TBCK: variants seen among roughly 807,000 people sequenced by gnomAD.
TBCK encodes TBC1 domain containing kinase, also known as TBC domain-containing protein kinase-like protein.
A neutral mutation model predicts 113.4 loss-of-function variants in TBCK; 99 were observed. The ratio of observed to expected loss-of-function variants is 0.87; its 90% CI spans 0.74 to 1.03. The LOEUF is 1.03. Among genes scored for constraint, TBCK ranks in the 50% least tolerant of loss-of-function variants. TBCK has a pLI of 0.00. For synonymous variants in TBCK, 369 were observed against 370.8 expected (o/e 1.00, Z 0.05); for missense variants, 1,045 against 1,061.3 (o/e 0.98, Z 0.21).
At chr4:106,064,064 G>C (rs1189129073) in intron 25 of TBCK, among the ~76,000 whole-genome samples, 2 of 151,964 alleles carry the variant, frequency 1.3e-5, no homozygotes, top group South Asian at 4.1e-4. Context: ...GCCGGGAGAG[G>C]GGGGAAAAGC....
chr4:106,155,478 A>G (rs775453900), intron 23 of TBCK, among the ~76,000 whole-genome samples: 4 of 152,118 alleles, frequency 2.6e-5, no homozygotes. Context: ...TTCTATCCCT[A>G]TCTGTGTTTC....
intron 23 of TBCK, among the ~76,000 whole-genome samples, chr4:106,155,081 G>T (rs1372699156): frequency 1.3e-5 from 2 of 151,746 alleles, no homozygotes; most frequent in African/African-American, 2.4e-5. Context: ...TGTTTGTCTG[G>T]GAAGTTTTAT....
intron 22 of TBCK, among the ~76,000 whole-genome samples, chr4:106,175,475 T>C (rs773056251): frequency 2.5e-4 from 38 of 151,890 alleles, no homozygotes; most frequent in Non-Finnish European, 4.9e-4. Context: ...TTTCTCCTTC[T>C]GGGAACATTG....
Position 106,248,237 on chromosome 4 carries a change from A to G in TBCK, c.782+8T>C. 3.2e-6 allele frequency: 5 copies of G among 1,577,790 alleles called. No homozygotes were observed. The highest frequency in any genetic ancestry group is 4.3e-6 in the Non-Finnish European group (5 of 1,161,802). On this transcript the variant is annotated splice_region_variant and intron_variant, in intron 9 of 25. Transcript: ENST00000394708. ...TCAATGTAATCCCAATCTCTAAATA[A>G]TATCAACCTCTTAGAAGGATGGAAG...
intron 3 of TBCK, among the ~76,000 whole-genome samples, chr4:106,271,092 C>G (rs2150129466): frequency 6.6e-6 from 1 of 152,250 alleles, no homozygotes; most frequent in East Asian, 1.9e-4. Context: ...TTCTGCTTAC[C>G]TATATAAATA....
At chr4:106,186,963 T>C (rs895501847) in intron 22 of TBCK, among the ~76,000 whole-genome samples, 2 of 152,254 alleles carry the variant, frequency 1.3e-5, no homozygotes, top group South Asian at 4.1e-4. Context: ...TACAGCTAGC[T>C]AGCTATCCCA....
At chr4:106,084,675 A>C (rs1454146134) in intron 25 of TBCK, among the ~76,000 whole-genome samples, 1 of 152,222 alleles carries the variant, frequency 6.6e-6, no homozygotes, top group Non-Finnish European at 1.5e-5. Context: ...AAAAACTGTT[A>C]AGAGCAGCCA....
chr4:106,222,012 T>C (rs564337858), intron 19 of TBCK, among the ~76,000 whole-genome samples: 1 of 152,132 alleles, frequency 6.6e-6, no homozygotes, highest in Non-Finnish European at 1.5e-5. Context: ...AATAAGGATA[T>C]GAATCTAGAG....
intron 25 of TBCK, among the ~76,000 whole-genome samples, chr4:106,061,182 GA>G (rs1735999978): frequency 6.6e-6 from 1 of 151,854 alleles, no homozygotes; most frequent in Non-Finnish European, 1.5e-5. Context: ...GATTTGGAAA[GA>G]AGTTCTTCTG....
At chr4:106,143,414 A>G (rs1044543679) in intron 23 of TBCK, among the ~76,000 whole-genome samples, 1 of 152,210 alleles carries the variant, frequency 6.6e-6, no homozygotes, top group African/African-American at 2.4e-5. Context: ...GAGGAAGAAA[A>G]CATTTTTACT....
chr4:106,133,535 TG>T (rs1746206271), intron 23 of TBCK, among the ~76,000 whole-genome samples: 1 of 152,192 alleles, frequency 6.6e-6, no homozygotes, highest in African/African-American at 2.4e-5. Flanking sequence ...CATTCAAGGC[TG>T]GAAAACACAC....
Position 106,123,801 on chromosome 4 carries a change from T to G in TBCK, c.2236-7423A>C, listed in dbSNP as rs1348568083. 7.4e-5 allele frequency among the ~76,000 whole-genome samples: 11 copies of G among 149,426 alleles called. No individual in the cohort carries two copies. In the South Asian group the frequency reaches 1.1e-3, roughly 14 times the overall value. Reference sequence around the variant, plus strand: ...GCTGGGAAAACTGGCTAGCCATATGTAGAAAGCTGAAACTGGATCCCTTCC... The same window carrying G: ...GCTGGGAAAACTGGCTAGCCATATGGAGAAAGCTGAAACTGGATCCCTTCC... On this transcript the variant is annotated intron_variant, in intron 23 of 25. Transcript: ENST00000394708.
intron 2 of TBCK, among the ~76,000 whole-genome samples, chr4:106,304,589 T>C (rs992767450): frequency 1.3e-5 from 2 of 152,206 alleles, no homozygotes; most frequent in Non-Finnish European, 2.9e-5. Context: ...CAACCAAATT[T>C]ATAGTCCAAC....
At chr4:106,264,828 G>C (rs1215158561) in intron 3 of TBCK, among the ~76,000 whole-genome samples, 2 of 151,776 alleles carry the variant, frequency 1.3e-5, no homozygotes, top group Non-Finnish European at 2.9e-5. Context: ...TTCATACAGA[G>C]AGCATGAGTA....
chr4:106,272,791 G>T, intron 3 of TBCK, among the ~76,000 whole-genome samples: 1 of 151,898 alleles, frequency 6.6e-6, no homozygotes, highest in Non-Finnish European at 1.5e-5. Context: ...CACCTCGCCT[G>T]GCCTCTTTAA....
intron 3 of TBCK, among the ~76,000 whole-genome samples, chr4:106,286,300 C>T (rs1285850489): frequency 6.6e-6 from 1 of 151,580 alleles, no homozygotes; most frequent in Non-Finnish European, 1.5e-5. Context: ...TAATATACAT[C>T]CTCAAAGAAT....
chr4:106,046,560 T>C lies in TBCK; in HGVS notation c.*10A>G, dbSNP rs914243310. 2.0e-6 allele frequency: 3 copies of C among 1,517,590 alleles called. No homozygotes were observed. In the African/African-American group the frequency reaches 4.1e-5, roughly 21 times the overall value. 94.0% of individuals were successfully genotyped at this position (1,517,590 alleles called of 1,614,324 possible). On this transcript the variant is annotated 3_prime_UTR_variant, in exon 26 of 26. Transcript: ENST00000394708. ...CCACACTAAGTTTTGGCAGTCACAC[T>C]CTTGGTTCTTCATATTTGAGGAGAT...
In TBCK at chr4:106,042,739, ACT is replaced by A. The variant is rs1234052503; in HGVS notation, c.*3829_*3830del. ...AGGAATCCAACAAAAATCTGGCACC[ACT>A]GTGTCCTCTAAAAGTTTTATATAAT... On this transcript the variant is annotated 3_prime_UTR_variant, in exon 26 of 26. Coordinates refer to ENST00000394708, the MANE Select transcript of TBCK (RefSeq NM_001163435.3). The A allele has an allele frequency of 6.6e-6, 1 of 152,194 alleles. No individual in the cohort carries two copies. Among genetic ancestry groups the A allele is most frequent in the East Asian group, 1.9e-4 (1 of 5,206 alleles). 9.4% of individuals were successfully genotyped at this position (152,194 alleles called of 1,614,324 possible).
chr4:106,192,365 T>C (rs1753762487), intron 22 of TBCK, among the ~76,000 whole-genome samples: 1 of 152,144 alleles, frequency 6.6e-6, no homozygotes, highest in African/African-American at 2.4e-5. Flanking sequence ...TTTGGCAAGC[T>C]GGAAATGACA....
Sources: allele counts gnomAD v4.1 joint callset (sites outside exome capture counted in the v4.1 genomes callset), GRCh38; gene constraint gnomAD v4.1.1; transcripts MANE v1.5; gene names NCBI Gene and HGNC (gene_info 2026-07-23, HGNC 2026-07-21).